ASAP1: variants seen among roughly 807,000 people sequenced by gnomAD.
ASAP1 encodes ArfGAP with SH3 domain, ankyrin repeat and PH domain 1, also known as arf-GAP with SH3 domain, ANK repeat and PH domain-containing protein 1.
ASAP1 carries 43 observed loss-of-function variants against 145.2 expected under a neutral mutation model. The ratio of observed to expected loss-of-function variants is 0.30; its 90% confidence interval spans 0.23 to 0.38. ASAP1 has a LOEUF of 0.38. Ranked by LOEUF, ASAP1 falls within the 10% of genes least tolerant of loss-of-function variation. The pLI, the probability that ASAP1 is intolerant of heterozygous loss-of-function variation, is 1.00. For synonymous variants in ASAP1, 546 were observed against 515.5 expected, an observed-to-expected ratio of 1.06 and a Z score of -0.80; for missense variants, 1,018 against 1,355.3, an observed-to-expected ratio of 0.75 and a Z score of 3.91.
At chr8:130,152,189 C>T in intron 13 of ASAP1, among the ~76,000 whole-genome samples, 1 of 152,174 alleles carries the variant, frequency 6.6e-6, no homozygotes, top group East Asian at 1.9e-4. Context: ...TTTTTAAAAT[C>T]CAAACTGAGA....
intron 4 of ASAP1, among the ~76,000 whole-genome samples, chr8:130,230,426 C>A (rs1319313384): frequency 1.3e-5 from 2 of 152,142 alleles, no homozygotes; most frequent in South Asian, 4.1e-4. Context: ...TTTTAAACAG[C>A]ATTCTTTTGA....
rs1203208298 is a variant in ASAP1, at chr8:130,358,196, G to A, written c.60-53C>T. On this transcript the variant is annotated intron_variant, in intron 2 of 29. Coordinates refer to ENST00000518721, the MANE Select transcript of ASAP1 (RefSeq NM_018482.4). The surrounding 1 kb of genome is among the most constrained non-coding windows in gnomAD (Gnocchi z 4.1). The stretch of plus-strand genomic sequence containing the variant: ...GGGCGGGGGGTGAGTCACGGCGCAG[G>A]CTCCCGGGGCCGCGGGCCGCCCGGA... 2 of 1,512,580 alleles carry A rather than the reference G, an allele frequency of 1.3e-6. No homozygotes were observed. Among genetic ancestry groups the A allele is most frequent in the Non-Finnish European group, 1.8e-6 (2 of 1,126,048 alleles). The allele number at this position is 1,512,580 out of a possible 1,614,324, so 93.7% of individuals were successfully genotyped here. A position where few individuals can be genotyped will look rare whatever the true frequency, so the allele number is the denominator to read the frequency against.
intron 24 of ASAP1, among the ~76,000 whole-genome samples, chr8:130,109,498 C>T (rs1185904689): frequency 6.6e-6 from 1 of 151,978 alleles, no homozygotes; most frequent in East Asian, 1.9e-4. Flanking sequence ...ATTTAGGGGT[C>T]CTTCAGACCC....
intron 3 of ASAP1, among the ~76,000 whole-genome samples, chr8:130,353,596 G>A (rs534907462): frequency 1.1e-4 from 16 of 152,312 alleles, no homozygotes; most frequent in African/African-American, 3.4e-4. Context: ...TGGGCCAGGC[G>A]TGGTGGCTCA....
At chr8:130,268,141 G>A (rs1018417255) in intron 3 of ASAP1, among the ~76,000 whole-genome samples, 1 of 152,090 alleles carries the variant, frequency 6.6e-6, no homozygotes, top group East Asian at 1.9e-4. Context: ...AAATGATTTA[G>A]TAAATTAAGG....
intron 27 of ASAP1, among the ~76,000 whole-genome samples, chr8:130,063,810 C>A (rs531996519): frequency 6.6e-5 from 10 of 152,242 alleles, no homozygotes; most frequent in African/African-American, 1.9e-4. Context: ...ATGTGCCGTG[C>A]CCAGCACCCT....
intron 1 of ASAP1, among the ~76,000 whole-genome samples, chr8:130,441,350 A>T (rs1830482210): frequency 6.6e-6 from 1 of 152,196 alleles, no homozygotes; most frequent in Non-Finnish European, 1.5e-5. Flanking sequence ...GCATACAGCA[A>T]GTGCTTAATA....
At position 130,422,633 on chromosome 8, in the gene ASAP1, C is replaced by A. The variant is rs75732755; in HGVS notation, c.-27-20663G>T. Among the ~76,000 whole-genome samples, 615 of 152,336 alleles carry A rather than the reference C, an allele frequency of 4.0e-3. 4 individuals carry two copies. Among genetic ancestry groups the A allele is most frequent in the Non-Finnish European group, 6.7e-3 (457 of 68,032 alleles). On this transcript the variant is annotated intron_variant, in intron 1 of 29. Transcript: ENST00000518721. ...CCCAAAACTCTCTCCCATGGATCAG[C>A]CTCTTGGAGGGGATTCACACTCCTT...
At chr8:130,367,354 TGTAAAGTCCAA>T (rs1327376623) in intron 2 of ASAP1, among the ~76,000 whole-genome samples, 2 of 152,238 alleles carry the variant, frequency 1.3e-5, no homozygotes, top group Admixed American at 1.3e-4. Context: ...GACCAATGAA[TGTAAAGTCCAA>T]GTAAAAGTAA....
At position 130,214,431 on chromosome 8, in the gene ASAP1, T is replaced by C. The variant is rs1208317338; in HGVS notation, c.405+125A>G. ...GAAGTTACCTAGGACTAAAAAGCTT[T>C]TTGTTTTTTCTTTCTCACCCCTAGG... On this transcript the variant is annotated intron_variant, in intron 5 of 29. Coordinates refer to ENST00000518721, the MANE Select transcript of ASAP1 (RefSeq NM_018482.4). 6 of 983,836 alleles carry C rather than the reference T, an allele frequency of 6.1e-6. No individual in the cohort carries two copies. The East Asian group carries it at 1.8e-4, about 30-fold the overall frequency. 60.9% of individuals were successfully genotyped at this position (983,836 alleles called of 1,614,324 possible). A position where few individuals can be genotyped will look rare whatever the true frequency, so the allele number is the denominator to read the frequency against.
chr8:130,433,311 C>T (rs1362696615), intron 1 of ASAP1, among the ~76,000 whole-genome samples: 1 of 152,228 alleles, frequency 6.6e-6, no homozygotes, highest in Non-Finnish European at 1.5e-5. Context: ...CACATTCCTA[C>T]CACAAAGCCT....
intron 2 of ASAP1, among the ~76,000 whole-genome samples, chr8:130,399,111 C>T (rs1334985148): frequency 6.6e-6 from 1 of 152,200 alleles, no homozygotes; most frequent in Non-Finnish European, 1.5e-5. Context: ...GTGCCTTTCT[C>T]TGTCTCGTTC....
Position 130,180,924 on chromosome 8 carries a change from C to G in ASAP1, c.531-44G>C, listed in dbSNP as rs376287760. 6.2e-4 allele frequency: 889 copies of G among 1,425,956 alleles called. 4 individuals carry two copies. The highest frequency in any genetic ancestry group is 4.7e-4 in the Non-Finnish European group (484 of 1,031,736). The allele number at this position is 1,425,956 out of a possible 1,614,324, so 88.3% of individuals were successfully genotyped here. On this transcript the variant is annotated intron_variant, in intron 7 of 29. Transcript: ENST00000518721. Reference sequence around the variant, plus strand: ...TCATTATTTAAAAAAAAAAAATACACTCATGTACAATACCAACAGCAGATC... The same window carrying G: ...TCATTATTTAAAAAAAAAAAATACAGTCATGTACAATACCAACAGCAGATC...
intron 3 of ASAP1, among the ~76,000 whole-genome samples, chr8:130,265,975 A>AG (rs1449163544): frequency 6.6e-6 from 1 of 152,224 alleles, no homozygotes; most frequent in Non-Finnish European, 1.5e-5. Context: ...GTAAGCAGTA[A>AG]GCATGTGAGG....
At chr8:130,284,733 A>T (rs1821491200) in intron 3 of ASAP1, among the ~76,000 whole-genome samples, 1 of 152,066 alleles carries the variant, frequency 6.6e-6, no homozygotes, top group Non-Finnish European at 1.5e-5. Flanking sequence ...CTGACAAAGC[A>T]TGACAGCTTT....
At chr8:130,102,552 GTTTTC>G (rs2097530495) in intron 24 of ASAP1, among the ~76,000 whole-genome samples, 1 of 152,168 alleles carries the variant, frequency 6.6e-6, no homozygotes, top group South Asian at 2.1e-4. Flanking sequence ...TTGGCTGGTA[GTTTTC>G]TTTTTTTGTT....
At position 130,115,431 on chromosome 8, in the gene ASAP1, C is replaced by T. The variant is rs933545310; in HGVS notation, c.2172+197G>A. 1.1e-5 allele frequency: 6 copies of T among 553,252 alleles called. No individual in the cohort carries two copies. In the African/African-American group the frequency reaches 1.1e-4, roughly 11 times the overall value. The allele number at this position is 553,252 out of a possible 1,614,324, so 34.3% of individuals were successfully genotyped here. ...AAATTTCTCTGTCTCTCTCCCTATCCTGTTGGCTCTGTTTCTCTGGACAAC... is the reference window on the plus strand; with the variant it reads ...AAATTTCTCTGTCTCTCTCCCTATCTTGTTGGCTCTGTTTCTCTGGACAAC... On this transcript the variant is annotated intron_variant, in intron 23 of 29. Coordinates refer to ENST00000518721, the MANE Select transcript of ASAP1 (RefSeq NM_018482.4).
chr8:130,424,547 A>C (rs1429111622), intron 1 of ASAP1, among the ~76,000 whole-genome samples: 1 of 152,070 alleles, frequency 6.6e-6, no homozygotes. Context: ...TAATCTTCCC[A>C]GTGACATGCT....
intron 3 of ASAP1, among the ~76,000 whole-genome samples, chr8:130,253,987 C>G (rs1250784832): frequency 6.6e-6 from 1 of 152,140 alleles, no homozygotes; most frequent in Non-Finnish European, 1.5e-5. Flanking sequence ...CACCATTGCA[C>G]TCCAGTTTGG....
Sources: gnomAD v4.1 joint callset for allele counts (sites outside exome capture counted in the v4.1 genomes callset) on GRCh38, gnomAD v4.1.1 for gene constraint, Gnocchi (gnomAD v3.1) non-coding constraint, MANE v1.5 for transcripts, NCBI Gene and HGNC (gene_info 2026-07-23, HGNC 2026-07-21) for gene names.